TBL2: variants seen among roughly 807,000 people sequenced by gnomAD.
TBL2 encodes the protein transducin beta-like protein 2.
TBL2 carries 33 observed loss-of-function variants against 41.8 expected under a neutral mutation model. The ratio of observed to expected loss-of-function variants is 0.79; its 90% CI spans 0.60 to 1.06. TBL2 has a LOEUF of 1.06. TBL2 is among the 50% of genes least tolerant of loss of function. The pLI is 0.00. For missense variants in TBL2, 522 were observed against 603.8 expected (o/e 0.86, Z 1.42); for synonymous variants, 239 against 241.7 (o/e 0.99, Z 0.10).
At chr7:73,578,252 A>T in intron 1 of TBL2, 168 bp downstream of exon 1, 2 of 1,532,656 alleles carry the variant, frequency 1.3e-6, no homozygotes, top group Non-Finnish European at 1.7e-6. Context: ...TAACCCGGCA[A>T]GGCGGGTCCC....
chr7:73,572,894 G>T lies in TBL2; in HGVS notation c.675C>A (p.Ile225=), dbSNP rs143883365. ...WSLKGQVLST[I]NTNQMNNTHA... ...GTGTGTTGTTCATCTGGTTGGTGTT[G>T]ATGGTAGACAGCACTTGACCCTTCA... The change falls in exon 5 of 7, where the codon ATC becomes ATA. Residue 225 remains isoleucine, a synonymous_variant. Transcript: ENST00000305632. 10 of 1,614,198 alleles carry T rather than the reference G, an allele frequency of 6.2e-6. No homozygotes were observed. The highest frequency in any genetic ancestry group is 8.5e-6 in the Non-Finnish European group (10 of 1,180,034).
rs148103793 is a variant in TBL2 at position 73,574,634 on chromosome 7, TGGA to T, written c.131-124_131-122del. ...TTAACCAGATATGGCCCTTGTCTTCTGGAGGAGAATGAGTGTGATATGGGCAAA... is the reference window on the plus strand; with the variant it reads ...TTAACCAGATATGGCCCTTGTCTTCTGGAGAATGAGTGTGATATGGGCAAA... On this transcript the variant is annotated intron_variant, in intron 1 of 6. Coordinates refer to ENST00000305632, the MANE Select transcript of TBL2 (RefSeq NM_012453.4). 2.5e-3 allele frequency: 3,548 copies of T among 1,412,002 alleles called. 64 individuals carry two copies. The African/African-American group carries it at 0.043, about 17-fold the overall frequency. 87.5% of individuals were successfully genotyped at this position (1,412,002 alleles called of 1,614,324 possible).
At chr7:73,575,779 C>T (rs1450990201) in intron 1 of TBL2, among the ~76,000 whole-genome samples, 2 of 152,154 alleles carry the variant, frequency 1.3e-5, no homozygotes, top group Non-Finnish European at 2.9e-5. Flanking sequence ...GGCGGTGGCT[C>T]ATGCCTGTGA....
At position 73,570,377 on chromosome 7, in the gene TBL2, A is replaced by G. The variant is rs555096251; in HGVS notation, c.*130T>C. Reference sequence around the variant, plus strand: ...GACAAGAGTAGTTTCAATGGGAAGAAGCAGGGCCACCAGTAAGAAAACCAG... The same window carrying G: ...GACAAGAGTAGTTTCAATGGGAAGAGGCAGGGCCACCAGTAAGAAAACCAG... On this transcript the variant is annotated 3_prime_UTR_variant, in exon 7 of 7. Transcript: ENST00000305632. The G allele has an allele frequency of 7.9e-6, 11 of 1,399,512 alleles. No homozygotes were observed. In the South Asian group the frequency reaches 1.7e-4, roughly 22 times the overall value. 86.7% of individuals were successfully genotyped at this position (1,399,512 alleles called of 1,614,324 possible). A position where few individuals can be genotyped will look rare whatever the true frequency, so the allele number is the denominator to read the frequency against.
In TBL2 at chr7:73,570,513, C is replaced by T; in HGVS notation, c.1338G>A (p.Lys446=). ...GCGCCGGGCCCTCCCAGAGTCACTT[C>T]TTCAGGGCACCCAGGCTCTTCAGGG... ...QETLKSLGAL[K]K Residue 446 remains lysine, a synonymous_variant, in exon 7 of 7, where the codon AAG becomes AAA. Transcript: ENST00000305632. 1 of 1,552,562 alleles carries T rather than the reference C, an allele frequency of 6.4e-7. No individual in the cohort carries two copies. The highest frequency in any genetic ancestry group is 8.7e-7 in the Non-Finnish European group (1 of 1,151,264).
rs1554588493 is a variant in TBL2, at chr7:73,574,456, T to C, written c.188A>G (p.Gln63Arg). 2 of 1,614,216 alleles carry C rather than the reference T, an allele frequency of 1.2e-6. No homozygotes were observed. Among genetic ancestry groups the C allele is most frequent in the South Asian group, 2.2e-5 (2 of 91,084 alleles). ...CTTCTCCTTCCGAATCCGCTGATATTGTTTCTGCTTCTTGGATCCCGAAGA... is the reference window on the plus strand; with the variant it reads ...CTTCTCCTTCCGAATCCGCTGATATCGTTTCTGCTTCTTGGATCCCGAAGA... ...DKSSGSKKQK[Q>R]YQRIRKEKPQ... The change falls in exon 2 of 7, where the codon CAA becomes CGA. Residue 63 changes from glutamine to arginine, a missense_variant. Coordinates refer to ENST00000305632, the MANE Select transcript of TBL2 (RefSeq NM_012453.4).
intron 6 of TBL2, 65 bp from the exon 7 acceptor site, chr7:73,571,037 T>C (rs1792912966): frequency 1.6e-5 from 25 of 1,565,790 alleles, no homozygotes; most frequent in Non-Finnish European, 4.3e-6. Context: ...CTGGCCCAAC[T>C]TGAGCAGCTC....
In TBL2 at chr7:73,568,244, AT is replaced by A; in HGVS notation, c.*2262del. Among the ~76,000 whole-genome samples the A allele has an allele frequency of 6.6e-6, 1 of 152,224 alleles. No homozygotes were observed. Among genetic ancestry groups the A allele is most frequent in the South Asian group, 2.1e-4 (1 of 4,814 alleles). ...CCTGGACCACAGAGCTGACAGTGGG[AT>A]GGTCCAGGAGTCTGCCCGGTGGTGC... On this transcript the variant is annotated 3_prime_UTR_variant, in exon 7 of 7. Transcript: ENST00000305632.
At chr7:73,571,599 A>C in intron 5 of TBL2, 2 of 390,686 alleles carry the variant, frequency 5.1e-6, no homozygotes, top group South Asian at 2.4e-5. Context: ...TCTACTAAAA[A>C]TACAAAATTA....
At chr7:73,577,108 A>G in intron 1 of TBL2, among the ~76,000 whole-genome samples, 1 of 151,688 alleles carries the variant, frequency 6.6e-6, no homozygotes, top group East Asian at 1.9e-4. Flanking sequence ...AAAAATACAA[A>G]AAATTAGCCG....
rs1793033826 is a variant in TBL2 at position 73,572,694 on chromosome 7, T to C, written c.725+150A>G. The C allele has an allele frequency of 3.9e-6, 4 of 1,029,614 alleles. No individual in the cohort carries two copies. The Admixed American group carries it at 9.1e-5, about 24-fold the overall frequency. The allele number at this position is 1,029,614 out of a possible 1,614,324, so 63.8% of individuals were successfully genotyped here. ...GGCGACCTGCATGAAATCCCACTAC[T>C]GCAAGTGGGGAGAGCTGAGACTTGA... On this transcript the variant is annotated intron_variant, in intron 5 of 6. Coordinates refer to ENST00000305632, the MANE Select transcript of TBL2 (RefSeq NM_012453.4).
At chr7:73,575,673 C>T (rs1270003786) in intron 1 of TBL2, among the ~76,000 whole-genome samples, 1 of 152,206 alleles carries the variant, frequency 6.6e-6, no homozygotes, top group Non-Finnish European at 1.5e-5. Flanking sequence ...CTCAAGTGAT[C>T]TGCCTGCCTT....
chr7:73,573,263 A>C, intron 4 of TBL2, 57 bp downstream of exon 4: 1 of 1,600,224 alleles, frequency 6.2e-7, no homozygotes, highest in East Asian at 2.2e-5. Flanking sequence ...TTGAGGAAAT[A>C]GAACTGGATC....
Position 73,569,898 on chromosome 7 carries a change from T to C in TBL2, c.*609A>G, listed in dbSNP as rs1223171393. 6.6e-6 allele frequency: 1 copy of C among 152,238 alleles called. No homozygotes were observed. Among genetic ancestry groups the C allele is most frequent in the Non-Finnish European group, 1.5e-5 (1 of 68,048 alleles). 9.4% of individuals were successfully genotyped at this position (152,238 alleles called of 1,614,324 possible). A position where few individuals can be genotyped will look rare whatever the true frequency, so the allele number is the denominator to read the frequency against. Reference sequence around the variant, plus strand: ...TCCCACTTTTACCACTTTCATGACATTGGACAATAGTACTACTCTTTTCTA... The same window carrying C: ...TCCCACTTTTACCACTTTCATGACACTGGACAATAGTACTACTCTTTTCTA... On this transcript the variant is annotated 3_prime_UTR_variant, in exon 7 of 7. Coordinates refer to ENST00000305632, the MANE Select transcript of TBL2 (RefSeq NM_012453.4).
chr7:73,571,030 G>A, intron 6 of TBL2, 58 bp from the exon 7 acceptor site: 1 of 1,566,768 alleles, frequency 6.4e-7, no homozygotes, highest in Non-Finnish European at 8.6e-7. Context: ...GTAAGCACTG[G>A]CCCAACTTGA....
At chr7:73,572,602 C>CA (rs1343421041) in intron 5 of TBL2, among the ~76,000 whole-genome samples, 1 of 152,334 alleles carries the variant, frequency 6.6e-6, no homozygotes, top group Non-Finnish European at 1.5e-5. Context: ...GCCTGGGTGA[C>CA]AGAGTGAGAC....
rs1160692216 is a variant in TBL2, at chr7:73,568,922, A to G, written c.*1585T>C. 1.3e-4 allele frequency: 19 copies of G among 151,134 alleles called. No homozygotes were observed. Among genetic ancestry groups the G allele is most frequent in the African/African-American group, 4.4e-4 (18 of 41,150 alleles). 9.4% of individuals were successfully genotyped at this position (151,134 alleles called of 1,614,324 possible). A position where few individuals can be genotyped will look rare whatever the true frequency, so the allele number is the denominator to read the frequency against. On this transcript the variant is annotated 3_prime_UTR_variant, in exon 7 of 7. Coordinates refer to ENST00000305632, the MANE Select transcript of TBL2 (RefSeq NM_012453.4). Reference sequence around the variant, plus strand: ...AGCCTGGGTGACAAGAGATTGTCAGAAAAAAAAAATTGTTTTTACTATTTT... The same window carrying G: ...AGCCTGGGTGACAAGAGATTGTCAGGAAAAAAAAATTGTTTTTACTATTTT...
At position 73,570,247 on chromosome 7, in the gene TBL2, G is replaced by T; in HGVS notation, c.*260C>A. On this transcript the variant is annotated 3_prime_UTR_variant, in exon 7 of 7. Coordinates refer to ENST00000305632, the MANE Select transcript of TBL2 (RefSeq NM_012453.4). ...TCTCCTCTCTACCATTCTCCTCAGT[G>T]CCAGGTGGGGACAGATTCCACCCAC... The T allele has an allele frequency of 2.1e-6, 1 of 473,004 alleles. No homozygotes were observed. The highest frequency in any genetic ancestry group is 3.6e-6 in the Non-Finnish European group (1 of 275,554). The allele number at this position is 473,004 out of a possible 1,614,324, so 29.3% of individuals were successfully genotyped here. A position where few individuals can be genotyped will look rare whatever the true frequency, so the allele number is the denominator to read the frequency against.
intron 1 of TBL2, chr7:73,578,033 A>AC: frequency 4.0e-6 from 2 of 504,596 alleles, no homozygotes; most frequent in South Asian, 6.3e-5. Flanking sequence ...ACAGAAAAAG[A>AC]CCCCAAAGCC....
Sources: gnomAD v4.1 joint callset for allele counts (sites outside exome capture counted in the v4.1 genomes callset) on GRCh38, gnomAD v4.1.1 for gene constraint, MANE v1.5 for transcripts, NCBI Gene and HGNC (gene_info 2026-07-23, HGNC 2026-07-21) for gene names.